The following SEMA6A variants were observed in gnomAD, a reference collection of about 807,000 sequenced individuals.
SEMA6A encodes semaphorin 6A, also known as semaphorin-6A.
SEMA6A carries 25 observed loss-of-function variants against 96.8 expected under a neutral mutation model. The observed-to-expected ratio is 0.26, with a 90% CI of 0.19 to 0.36. The LOEUF is 0.36. SEMA6A is among the 10% of genes least tolerant of loss of function. The pLI, the probability that SEMA6A is intolerant of heterozygous loss-of-function variation, is 1.00. For synonymous variants in SEMA6A, 612 were observed against 518.0 expected (o/e 1.18, Z -2.46); for missense variants, 1,363 against 1,323.1 (o/e 1.03, Z -0.47).
intron 1 of SEMA6A, among the ~76,000 whole-genome samples, chr5:116,518,667 C>T (rs1758781615): frequency 6.6e-6 from 1 of 152,182 alleles, no homozygotes; most frequent in Non-Finnish European, 1.5e-5. Flanking sequence ...CACAAGGATC[C>T]CTGCACGTGT....
chr5:116,554,530 G>A (rs1176721729), intron 1 of SEMA6A, among the ~76,000 whole-genome samples: 1 of 152,142 alleles, frequency 6.6e-6, no homozygotes, highest in African/African-American at 2.4e-5. Context: ...TTCATATTAA[G>A]ATAATACGTA....
intron 1 of SEMA6A, among the ~76,000 whole-genome samples, chr5:116,513,196 C>T (rs142495359): frequency 0.022 from 3,360 of 152,062 alleles, 58 homozygotes; most frequent in Non-Finnish European, 0.031. Context: ...GGCGCGATCT[C>T]GGCTCACCAC....
At chr5:116,487,056 A>C in intron 9 of SEMA6A, 90 bp from the exon 10 acceptor site, 1 of 901,012 alleles carries the variant, frequency 1.1e-6, no homozygotes, top group Non-Finnish European at 1.8e-6. Context: ...AACAGAAACA[A>C]AACAACAAGG....
At chr5:116,531,240 A>T (rs912087361) in intron 1 of SEMA6A, among the ~76,000 whole-genome samples, 3 of 152,122 alleles carry the variant, frequency 2.0e-5, no homozygotes, top group Admixed American at 2.0e-4. Context: ...AAAGGGGTCA[A>T]TAAAGTTTTT....
intron 1 of SEMA6A, among the ~76,000 whole-genome samples, chr5:116,511,497 A>C (rs140155421): frequency 1.7e-3 from 252 of 152,330 alleles, no homozygotes; most frequent in African/African-American, 5.8e-3. Flanking sequence ...ATTAAAGAAA[A>C]AGGAACAGAA....
intron 12 of SEMA6A, among the ~76,000 whole-genome samples, chr5:116,479,871 G>A (rs1002549102): frequency 1.3e-5 from 2 of 152,140 alleles, no homozygotes; most frequent in Non-Finnish European, 1.5e-5. Context: ...TAATCCAGAA[G>A]GAAAGGTATT....
intron 16 of SEMA6A, among the ~76,000 whole-genome samples, chr5:116,474,190 C>T (rs1469600660): frequency 6.6e-6 from 1 of 152,050 alleles, no homozygotes; most frequent in East Asian, 1.9e-4. Context: ...TATTTTTCTA[C>T]AGACACCACT....
intron 1 of SEMA6A, among the ~76,000 whole-genome samples, chr5:116,551,082 C>G (rs959089157): frequency 3.3e-5 from 5 of 152,052 alleles, no homozygotes; most frequent in Admixed American, 1.3e-4. Context: ...TCTTGGAGAC[C>G]TCAAAGATGA....
chr5:116,463,865 A>C (rs997502358), intron 18 of SEMA6A, among the ~76,000 whole-genome samples: 1 of 152,232 alleles, frequency 6.6e-6, no homozygotes, highest in African/African-American at 2.4e-5. Flanking sequence ...GTGTCCTCAT[A>C]GCAGTGGTCA....
rs372846160 is a variant in SEMA6A, at chr5:116,488,875, ATTGT to A, written c.655+9_655+12del. On this transcript the variant is annotated intron_variant, in intron 8 of 18. Coordinates refer to ENST00000343348, the MANE Select transcript of SEMA6A (RefSeq NM_020796.5). The stretch of plus-strand genomic sequence containing the variant: ...CTCCCCTCCGACCCTCCTTCTTTTA[ATTGT>A]TTGTTCACCTTTCAACCATTTTGAA... The A allele has an allele frequency of 9.7e-6, 15 of 1,552,456 alleles. No individual in the cohort carries two copies. Among genetic ancestry groups the A allele is most frequent in the African/African-American group, 1.4e-5 (1 of 73,418 alleles).
intron 1 of SEMA6A, among the ~76,000 whole-genome samples, chr5:116,522,294 C>T (rs1758993079): frequency 6.6e-6 from 1 of 152,124 alleles, no homozygotes; most frequent in East Asian, 1.9e-4. Flanking sequence ...TTTTTAAACT[C>T]TTTGTCTCTA....
At chr5:116,519,481 C>G (rs532224875) in intron 1 of SEMA6A, among the ~76,000 whole-genome samples, 1 of 152,146 alleles carries the variant, frequency 6.6e-6, no homozygotes, top group African/African-American at 2.4e-5. Context: ...TTTTCCTGTA[C>G]TCATTCATTC....
intron 1 of SEMA6A, among the ~76,000 whole-genome samples, chr5:116,543,755 A>C (rs1466321740): frequency 6.6e-6 from 1 of 152,210 alleles, no homozygotes; most frequent in African/African-American, 2.4e-5. Context: ...AGAAAAGTAA[A>C]TGGGACAATA....
chr5:116,570,402 C>T (rs1340358505), intron 1 of SEMA6A, among the ~76,000 whole-genome samples: 4 of 152,168 alleles, frequency 2.6e-5, no homozygotes, highest in Non-Finnish European at 5.9e-5. Context: ...TCACCTTCCT[C>T]AACATGCACA....
chr5:116,458,655 A>G (rs1188860566), intron 18 of SEMA6A, among the ~76,000 whole-genome samples: 1 of 152,180 alleles, frequency 6.6e-6, no homozygotes, highest in Non-Finnish European at 1.5e-5. Context: ...TCCCTAGAAA[A>G]GAAAACTCAA....
chr5:116,559,905 C>A (rs538135450), intron 1 of SEMA6A, among the ~76,000 whole-genome samples: 1 of 152,240 alleles, frequency 6.6e-6, no homozygotes, highest in Non-Finnish European at 1.5e-5. Flanking sequence ...AAACACGGAT[C>A]TGGTGACATC....
At chr5:116,490,912 A>G (rs1274913583) in intron 7 of SEMA6A, among the ~76,000 whole-genome samples, 2 of 152,212 alleles carry the variant, frequency 1.3e-5, no homozygotes, top group East Asian at 3.8e-4. Flanking sequence ...ATAAATTTCT[A>G]ATTAAAGCAC....
rs1476530522 is a variant in SEMA6A, at chr5:116,446,678, C to G, written c.3028G>C (p.Val1010Leu). Residue 1010 changes from valine (V) to leucine (L), a missense_variant, in exon 19 of 19, where the codon GTA becomes CTA. Val to Leu is a conservative substitution (Grantham distance 32). This residue lies in a region of SEMA6A where 883 missense variants were observed against 763.6 expected (regional missense o/e 1.16). Coordinates refer to ENST00000343348, the MANE Select transcript of SEMA6A (RefSeq NM_020796.5). ...LKRTPSLKPD[V>L]PPKPSFAPLS... The stretch of plus-strand genomic sequence containing the variant: ...GGAGCAAAGGATGGTTTGGGGGGTA[C>G]GTCCGGCTTTAGCGAGGGCGTACGC... 42 of 1,560,958 alleles carry G rather than the reference C, an allele frequency of 2.7e-5. No individual in the cohort carries two copies. The highest frequency in any genetic ancestry group is 3.4e-5 in the Non-Finnish European group (39 of 1,151,976).
At chr5:116,566,913 C>T (rs1007082884) in intron 1 of SEMA6A, among the ~76,000 whole-genome samples, 2 of 152,136 alleles carry the variant, frequency 1.3e-5, no homozygotes, top group Admixed American at 1.3e-4. Flanking sequence ...TTGCAGAAGT[C>T]CTAGCCACAA....
Sources: gnomAD v4.1 joint callset for allele counts (sites outside exome capture counted in the v4.1 genomes callset) on GRCh38, gnomAD v4.1.1 for gene constraint, gnomAD v4.1.1 regional missense constraint, MANE v1.5 for transcripts, NCBI Gene and HGNC (gene_info 2026-07-23, HGNC 2026-07-21) for gene names.